The following TP63 variants were observed in gnomAD, a reference collection of about 807,000 sequenced individuals.
The protein encoded by TP63 is tumor protein p63.
TP63 carries 17 observed loss-of-function variants against 82.8 expected under a neutral mutation model. That is an observed-to-expected ratio of 0.21 (90% CI 0.14 to 0.31). The LOEUF (loss-of-function observed/expected upper bound fraction) is 0.31, where lower values mean the gene tolerates loss of function less well. Ranked by LOEUF, TP63 falls within the 10% of genes least tolerant of loss-of-function variation. TP63 has a pLI of 1.00. For missense variants in TP63, 648 were observed against 895.3 expected, an observed-to-expected ratio of 0.72 and a Z score of 3.52; for synonymous variants, 330 against 321.7, an observed-to-expected ratio of 1.03 and a Z score of -0.28.
chr3:189,755,358 T>C (rs1722112530), intron 3 of TP63, among the ~76,000 whole-genome samples: 1 of 152,132 alleles, frequency 6.6e-6, no homozygotes. Context: ...TTTAGAAGTA[T>C]CAAAAAGACA....
chr3:189,869,933 T>A (rs1247994693), intron 9 of TP63, among the ~76,000 whole-genome samples: 1 of 152,162 alleles, frequency 6.6e-6, no homozygotes, highest in African/African-American at 2.4e-5. Context: ...ATGTGTTTTT[T>A]AAAATTAGAA....
At chr3:189,758,439 C>T (rs1016960276) in intron 3 of TP63, among the ~76,000 whole-genome samples, 4 of 152,218 alleles carry the variant, frequency 2.6e-5, no homozygotes, top group Non-Finnish European at 5.9e-5. Context: ...CTCCTTAGTG[C>T]ACATGTCGAC....
chr3:189,782,867 A>G (rs938477227), intron 3 of TP63, among the ~76,000 whole-genome samples: 1 of 152,110 alleles, frequency 6.6e-6, no homozygotes, highest in African/African-American at 2.4e-5. Context: ...ATTTTAAAAA[A>G]TATTTTAAAT....
At position 189,856,107 on chromosome 3, in the gene TP63, A is replaced by G. The variant is rs113993886; in HGVS notation, c.580-8125A>G. ...CAACTGAGTACTTAATTTAATGCCT[A>G]TAAGTAGGAGAAACCTACATAGAGA... is the stretch of plus-strand genomic sequence containing the variant. On this transcript the variant is annotated intron_variant, in intron 4 of 13. Coordinates refer to ENST00000264731, the MANE Select transcript of TP63 (RefSeq NM_003722.5). Among the ~76,000 whole-genome samples, 469 of 151,998 alleles carry G rather than the reference A, an allele frequency of 3.1e-3. 1 individual carries two copies. Among genetic ancestry groups the G allele is most frequent in the African/African-American group, 0.01 (419 of 41,514 alleles).
intron 1 of TP63, among the ~76,000 whole-genome samples, chr3:189,642,978 A>AATTAATTTATTTATTTATTTATTT (rs1204363196): frequency 7.3e-6 from 1 of 137,704 alleles, no homozygotes; most frequent in Non-Finnish European, 1.6e-5. Context: ...CAGACAGCCA[A>AATTAATTTATTTATTTATTTATTT]ATTTATTTAT....
intron 3 of TP63, among the ~76,000 whole-genome samples, chr3:189,765,318 CCT>C (rs1722858307): frequency 6.6e-6 from 1 of 151,658 alleles, no homozygotes; most frequent in South Asian, 2.1e-4. Flanking sequence ...TTTTTTCCCC[CCT>C]GAGATCCAAG....
intron 7 of TP63, among the ~76,000 whole-genome samples, chr3:189,868,354 G>A (rs760724125): frequency 6.6e-6 from 1 of 152,118 alleles, no homozygotes; most frequent in African/African-American, 2.4e-5. Context: ...TAATAGCTCA[G>A]AGGTTCTTTG....
At chr3:189,782,044 T>C (rs1215134405) in intron 3 of TP63, among the ~76,000 whole-genome samples, 1 of 152,204 alleles carries the variant, frequency 6.6e-6, no homozygotes, top group Non-Finnish European at 1.5e-5. Flanking sequence ...TCAAGTAATG[T>C]AATGAATTTA....
chr3:189,798,198 A>G (rs13083021), intron 3 of TP63, among the ~76,000 whole-genome samples: 12,643 of 152,126 alleles, frequency 0.083, 800 homozygotes, highest in Admixed American at 0.21. Flanking sequence ...TATACTTAAA[A>G]GGCTGTTTGT....
At chr3:189,723,794 T>C (rs1719565061) in intron 1 of TP63, among the ~76,000 whole-genome samples, 1 of 152,242 alleles carries the variant, frequency 6.6e-6, no homozygotes, top group African/African-American at 2.4e-5. Context: ...GAGTTTTCTA[T>C]AATAGTTGAA....
At chr3:189,839,552 A>C (rs1713670828) in intron 4 of TP63, among the ~76,000 whole-genome samples, 2 of 152,164 alleles carry the variant, frequency 1.3e-5, no homozygotes, top group Admixed American at 1.3e-4. Context: ...ATTCACCCCA[A>C]AACGTATCTT....
Position 189,873,286 on chromosome 3 carries a change from CACACTAACAGT to C in TP63, c.1349+293_1349+303del, listed in dbSNP as rs556153524. 1.5e-4 allele frequency: 72 copies of C among 468,856 alleles called. No homozygotes were observed. The East Asian group carries it at 2.9e-3, about 19-fold the overall frequency. 29.0% of individuals were successfully genotyped at this position (468,856 alleles called of 1,614,324 possible). A position where few individuals can be genotyped will look rare whatever the true frequency, so the allele number is the denominator to read the frequency against. The stretch of plus-strand genomic sequence containing the variant: ...CTCGTCTCTATATGCCTGGTCCATA[CACACTAACAGT>C]AAGTACACACTCTATTTGGTAGTGA... On this transcript the variant is annotated intron_variant, in intron 10 of 13. Transcript: ENST00000264731.
At chr3:189,803,626 G>T (rs1726554073) in intron 3 of TP63, among the ~76,000 whole-genome samples, 1 of 152,182 alleles carries the variant, frequency 6.6e-6, no homozygotes, top group Non-Finnish European at 1.5e-5. Context: ...TTCTATGATT[G>T]CAGGGAATAT....
chr3:189,796,524 C>A (rs966518223), intron 3 of TP63, among the ~76,000 whole-genome samples: 3 of 151,890 alleles, frequency 2.0e-5, no homozygotes, highest in African/African-American at 4.8e-5. Flanking sequence ...GACATCTAAG[C>A]TAGTACTCAT....
At chr3:189,661,704 G>A (rs1920273) in intron 1 of TP63, among the ~76,000 whole-genome samples, 50,631 of 151,624 alleles carry the variant, frequency 0.33, 9,473 homozygotes, top group Middle Eastern at 0.55. Context: ...ATGTAGTCAG[G>A]CTTTTTTGGT....
intron 1 of TP63, among the ~76,000 whole-genome samples, chr3:189,705,437 T>C (rs980936979): frequency 6.6e-6 from 1 of 152,162 alleles, no homozygotes; most frequent in South Asian, 2.1e-4. Flanking sequence ...TTCATTCTTA[T>C]TCATTTCTTT....
At chr3:189,883,585 T>C (rs1022797806) in intron 10 of TP63, among the ~76,000 whole-genome samples, 1 of 152,160 alleles carries the variant, frequency 6.6e-6, no homozygotes, top group Admixed American at 6.5e-5. Flanking sequence ...AGCTGATGTT[T>C]CCTGAGCACC....
intron 1 of TP63, among the ~76,000 whole-genome samples, chr3:189,653,950 G>A (rs1295365641): frequency 6.6e-6 from 1 of 152,126 alleles, no homozygotes; most frequent in Non-Finnish European, 1.5e-5. Context: ...GGTCCTAAGT[G>A]CTTAGGGGAG....
intron 1 of TP63, among the ~76,000 whole-genome samples, chr3:189,670,021 ATATT>A (rs1467022178): frequency 6.6e-6 from 1 of 151,994 alleles, no homozygotes; most frequent in Non-Finnish European, 1.5e-5. Context: ...CATATAAACT[ATATT>A]AATAAGAAAG....
Sources: gnomAD v4.1 joint callset for allele counts (sites outside exome capture counted in the v4.1 genomes callset) on GRCh38, gnomAD v4.1.1 for gene constraint, MANE v1.5 for transcripts, NCBI Gene and HGNC (gene_info 2026-07-23, HGNC 2026-07-21) for gene names.